The following DGKB variants were observed in gnomAD, a reference collection of about 807,000 sequenced individuals.
DGKB encodes the protein diacylglycerol kinase beta, also known as 90 kDa diacylglycerol kinase.
A neutral mutation model predicts 114.3 loss-of-function variants in DGKB; 67 were observed. The observed-to-expected ratio is 0.59, with a 90% CI of 0.48 to 0.72. DGKB has a LOEUF of 0.72. DGKB is among the 30% of genes least tolerant of loss of function. DGKB has a pLI of 0.00. For synonymous variants in DGKB, 398 were observed against 323.1 expected (o/e 1.23, Z -2.49); for missense variants, 907 against 975.2 (o/e 0.93, Z 0.93).
Position 14,201,973 on chromosome 7 carries a change from G to A in DGKB, c.2123-23822C>T, listed in dbSNP as rs17167957. Among the ~76,000 whole-genome samples the A allele has an allele frequency of 3.6e-3, 554 of 151,998 alleles. 1 individual carries two copies. The highest frequency in any genetic ancestry group is 0.013 in the African/African-American group (529 of 41,486). ...CTTCTATAAGAGGCTCCAATAAAGG[G>A]TAGACTCACCTTTAAATTTGGCTTA... On this transcript the variant is annotated intron_variant, in intron 23 of 25. Coordinates refer to ENST00000402815, the MANE Select transcript of DGKB (RefSeq NM_001350709.2).
At chr7:14,831,090 A>G (rs1346089054) in intron 2 of DGKB, among the ~76,000 whole-genome samples, 1 of 151,916 alleles carries the variant, frequency 6.6e-6, no homozygotes, top group East Asian at 1.9e-4. Context: ...AAAGTGAGTA[A>G]ATCTCCTACT....
chr7:14,450,895 G>T (rs895572590), intron 21 of DGKB, among the ~76,000 whole-genome samples: 3 of 152,034 alleles, frequency 2.0e-5, no homozygotes, highest in African/African-American at 7.2e-5. Context: ...AGGAAACAGA[G>T]GTCAGGACAA....
intron 23 of DGKB, among the ~76,000 whole-genome samples, chr7:14,282,749 C>G (rs1800180234): frequency 6.6e-6 from 1 of 151,966 alleles, no homozygotes; most frequent in South Asian, 2.1e-4. Context: ...TAAACAGAGC[C>G]AAAGACAAAA....
At chr7:14,641,676 TAC>T (rs1340475023) in intron 13 of DGKB, among the ~76,000 whole-genome samples, 1 of 152,146 alleles carries the variant, frequency 6.6e-6, no homozygotes, top group Non-Finnish European at 1.5e-5. Flanking sequence ...ACTATATAAT[TAC>T]ATATAGTTCA....
intron 1 of DGKB, among the ~76,000 whole-genome samples, chr7:14,925,440 C>A (rs1784698162): frequency 1.3e-5 from 2 of 152,076 alleles, no homozygotes; most frequent in African/African-American, 4.8e-5. Flanking sequence ...AGATGCAAGG[C>A]TTTGCTTGAA....
chr7:14,176,277 C>T lies in DGKB; in HGVS notation c.2304+562G>A, dbSNP rs374974198. 1.7e-5 allele frequency: 16 copies of T among 943,340 alleles called. No homozygotes were observed. The East Asian group carries it at 7.1e-4, about 42-fold the overall frequency. The allele number at this position is 943,340 out of a possible 1,614,324, so 58.4% of individuals were successfully genotyped here. A position where few individuals can be genotyped will look rare whatever the true frequency, so the allele number is the denominator to read the frequency against. ...TGTTTTTGAAATGCAATAAAATATT[C>T]ACTATGCAAATGAAAACTGATTTTT... On this transcript the variant is annotated intron_variant, in intron 25 of 25. Coordinates refer to ENST00000402815, the MANE Select transcript of DGKB (RefSeq NM_001350709.2).
chr7:14,823,703 C>T (rs542593411), intron 2 of DGKB, among the ~76,000 whole-genome samples: 8 of 152,222 alleles, frequency 5.3e-5, no homozygotes, highest in Admixed American at 4.6e-4. Flanking sequence ...TGATTGAAAA[C>T]ATCTTAGAAG....
chr7:14,556,564 G>T (rs1330536112), intron 20 of DGKB, among the ~76,000 whole-genome samples: 1 of 151,884 alleles, frequency 6.6e-6, no homozygotes, highest in Non-Finnish European at 1.5e-5. Flanking sequence ...CGTGTATTTT[G>T]ATTTATTAAA....
chr7:14,692,566 A>G (rs1324702068), intron 9 of DGKB, among the ~76,000 whole-genome samples: 1 of 151,994 alleles, frequency 6.6e-6, no homozygotes, highest in Non-Finnish European at 1.5e-5. Flanking sequence ...TATTGATAAT[A>G]TAGAGCTAAA....
intron 1 of DGKB, among the ~76,000 whole-genome samples, chr7:14,873,762 A>G (rs1852833652): frequency 6.6e-6 from 1 of 151,970 alleles, no homozygotes; most frequent in East Asian, 1.9e-4. Context: ...ATATTCCAAA[A>G]TTATAGATTC....
chr7:14,316,669 G>A (rs1387778553), intron 23 of DGKB, among the ~76,000 whole-genome samples: 2 of 142,842 alleles, frequency 1.4e-5, no homozygotes, highest in African/African-American at 2.6e-5. Context: ...AAGAGTCCAG[G>A]ACCAGATGGA....
At chr7:14,805,797 C>G (rs1413175023) in intron 2 of DGKB, among the ~76,000 whole-genome samples, 1 of 150,774 alleles carries the variant, frequency 6.6e-6, no homozygotes, top group East Asian at 1.9e-4. Flanking sequence ...TTCTGGTTCT[C>G]AAATTTTCCA....
Position 14,659,160 on chromosome 7 carries a change from C to T in DGKB, c.1134+13769G>A, listed in dbSNP as rs1434344586. The stretch of plus-strand genomic sequence containing the variant: ...TGTATTAACTCTATTCTTAAAGGCT[C>T]ATCAGATATTATAACAAGAGAGTGT... On this transcript the variant is annotated intron_variant, in intron 13 of 25. Coordinates refer to ENST00000402815, the MANE Select transcript of DGKB (RefSeq NM_001350709.2). Among the ~76,000 whole-genome samples, 7 of 151,980 alleles carry T rather than the reference C, an allele frequency of 4.6e-5. No homozygotes were observed. In the East Asian group the frequency reaches 1.2e-3, roughly 25 times the overall value.
chr7:14,720,483 G>GTGTC (rs1217168431), intron 5 of DGKB, among the ~76,000 whole-genome samples: 2 of 50,840 alleles, frequency 3.9e-5, no homozygotes, highest in Non-Finnish European at 1.1e-4. Flanking sequence ...TTGTGTGTGT[G>GTGTC]TGTGTGTGTG....
At chr7:14,431,607 C>T (rs1828458870) in intron 21 of DGKB, among the ~76,000 whole-genome samples, 1 of 151,908 alleles carries the variant, frequency 6.6e-6, no homozygotes, top group South Asian at 2.1e-4. Context: ...ACTCTAGGTG[C>T]CTTAATGAAT....
intron 20 of DGKB, among the ~76,000 whole-genome samples, chr7:14,533,443 C>T (rs922616713): frequency 1.1e-4 from 16 of 150,946 alleles, no homozygotes; most frequent in African/African-American, 2.9e-4. Context: ...ATATAAGTTT[C>T]AAAATGAGAA....
At chr7:14,556,827 G>C (rs958698158) in intron 20 of DGKB, among the ~76,000 whole-genome samples, 1 of 152,068 alleles carries the variant, frequency 6.6e-6, no homozygotes, top group Non-Finnish European at 1.5e-5. Context: ...TGATATTGAG[G>C]TTTTCAATCT....
chr7:14,897,832 C>T (rs529713539), intron 1 of DGKB, among the ~76,000 whole-genome samples: 33 of 151,922 alleles, frequency 2.2e-4, no homozygotes, highest in African/African-American at 7.5e-4. Flanking sequence ...CTTTGGTGGG[C>T]AGGGGGCAAA....
chr7:14,431,834 C>T (rs1828494881), intron 21 of DGKB, among the ~76,000 whole-genome samples: 1 of 151,852 alleles, frequency 6.6e-6, no homozygotes, highest in African/African-American at 2.4e-5. Context: ...AGAAAAATAG[C>T]CCCTCATATG....
Sources: allele counts gnomAD v4.1 joint callset (sites outside exome capture counted in the v4.1 genomes callset), GRCh38; gene constraint gnomAD v4.1.1; transcripts MANE v1.5; gene names NCBI Gene and HGNC (gene_info 2026-07-23, HGNC 2026-07-21).